Variants in EFCAB6 observed in about 807,000 individuals in gnomAD.
The protein encoded by EFCAB6 is EF-hand calcium-binding domain-containing protein 6.
In EFCAB6, 156 loss-of-function variants were observed where a neutral mutation model predicts 169.8. The observed-to-expected ratio is 0.92, with a 90% CI of 0.81 to 1.05. The LOEUF (loss-of-function observed/expected upper bound fraction) is 1.05. EFCAB6 is among the 50% of genes least tolerant of loss of function. The pLI is 0.00. For synonymous variants in EFCAB6, 698 were observed against 676.4 expected (o/e 1.03, Z -0.50); for missense variants, 1,800 against 1,829.1 (o/e 0.98, Z 0.29).
chr22:43,782,141 A>ATCT, intron 3 of EFCAB6, 39 bp downstream of exon 3: 1 of 1,586,722 alleles, frequency 6.3e-7, no homozygotes, highest in Middle Eastern at 1.7e-4. Flanking sequence ...TATAAGTGAT[A>ATCT]TCTACAGTTA....
At chr22:43,645,472 T>G (rs2056097460) in intron 17 of EFCAB6, among the ~76,000 whole-genome samples, 3 of 152,230 alleles carry the variant, frequency 2.0e-5, no homozygotes, top group African/African-American at 7.2e-5. Flanking sequence ...GTGTTGCTAA[T>G]CATTGACTGT....
intron 20 of EFCAB6, 63 bp from the exon 21 acceptor site, chr22:43,615,985 G>T: frequency 7.2e-7 from 1 of 1,392,762 alleles, no homozygotes; most frequent in South Asian, 1.3e-5. Context: ...AATCTCCCAA[G>T]GGGTTTCCCT....
chr22:43,537,313 T>C lies in EFCAB6; in HGVS notation c.4048+64A>G. The C allele has an allele frequency of 2.5e-6, 4 of 1,575,088 alleles. No individual in the cohort carries two copies. Among genetic ancestry groups the C allele is most frequent in the East Asian group, 4.5e-5 (2 of 44,410 alleles). On this transcript the variant is annotated intron_variant, in intron 29 of 31. Transcript: ENST00000262726. This position sits in a 1 kb window ranked among gnomAD's most constrained non-coding sequence, Gnocchi z 4.3. ...ACCCGGGGTGTGGCTTTGTACCCAG[T>C]GGGAACAGCCTCTTGCCACAGGGGC...
chr22:43,598,222 ACCTGAG>A (rs1430878156), intron 23 of EFCAB6, among the ~76,000 whole-genome samples: 1 of 143,376 alleles, frequency 7.0e-6, no homozygotes, highest in Admixed American at 7.3e-5. Context: ...TGGGAGGATC[ACCTGAG>A]CCTGGAAAGT....
chr22:43,654,686 T>G (rs1221601105), intron 17 of EFCAB6, among the ~76,000 whole-genome samples: 1 of 152,116 alleles, frequency 6.6e-6, no homozygotes, highest in Non-Finnish European at 1.5e-5. Flanking sequence ...TCAGGAGACA[T>G]GAAGACTCAA....
intron 17 of EFCAB6, among the ~76,000 whole-genome samples, chr22:43,649,322 G>A (rs1031252077): frequency 1.3e-5 from 2 of 152,110 alleles, no homozygotes; most frequent in Non-Finnish European, 2.9e-5. Context: ...GAAAATAAAT[G>A]CAAATTAAAG....
chr22:43,555,767 G>A lies in EFCAB6; in HGVS notation c.3421-671C>T, dbSNP rs117079328. On this transcript the variant is annotated intron_variant, in intron 26 of 31. Transcript: ENST00000262726. ...CTGGAAGTCAGGGGGTTGGAGTGTG[G>A]TTCAGGTCCTCATGACACTGTCCTT... Among the ~76,000 whole-genome samples the A allele has an allele frequency of 1.2e-3, 177 of 152,332 alleles. 4 individuals are homozygous for A. The East Asian group carries it at 0.021, about 18-fold the overall frequency.
In EFCAB6 at chr22:43,626,663, A is replaced by C; in HGVS notation, c.2249T>G (p.Phe750Cys). The C allele has an allele frequency of 6.2e-7, 1 of 1,614,176 alleles. No homozygotes were observed. The highest frequency in any genetic ancestry group is 1.1e-5 in the South Asian group (1 of 91,078). The change falls in exon 20 of 32, where the codon TTC (phenylalanine) becomes TGC (cysteine). Residue 750 changes from phenylalanine (F) to cysteine (C), a missense_variant. Phe to Cys is a radical substitution (Grantham distance 205, BLOSUM62 -2). Coordinates refer to ENST00000262726, the MANE Select transcript of EFCAB6 (RefSeq NM_022785.4). Reference sequence around the variant, plus strand: ...ATCCCTGTCAGCATCTGTTTTAAAGAAGGCAGAGTAGGGGTCCTAAAAACA... The same window carrying C: ...ATCCCTGTCAGCATCTGTTTTAAAGCAGGCAGAGTAGGGGTCCTAAAAACA... Reference protein sequence around the residue: ...KESFRDPYSAFFKTDADRDGI... With the variant: ...KESFRDPYSACFKTDADRDGI...
At chr22:43,531,094 C>G in intron 30 of EFCAB6, 130 bp from the exon 31 acceptor site, 1 of 1,250,462 alleles carries the variant, frequency 8.0e-7, no homozygotes, top group Non-Finnish European at 1.1e-6. Context: ...TCCGCTGGCT[C>G]TGAATCGAGG....
chr22:43,657,208 T>C (rs543213528), intron 17 of EFCAB6, among the ~76,000 whole-genome samples: 1 of 152,214 alleles, frequency 6.6e-6, no homozygotes, highest in African/African-American at 2.4e-5. Context: ...GGTGGGAGGA[T>C]TGCTTCAGCC....
chr22:43,612,728 C>T (rs1291173270), intron 21 of EFCAB6, among the ~76,000 whole-genome samples: 1 of 151,946 alleles, frequency 6.6e-6, no homozygotes, highest in Non-Finnish European at 1.5e-5. Flanking sequence ...CCTGTCTCTA[C>T]TAAAAATACA....
At chr22:43,730,440 G>C (rs1205568487) in intron 8 of EFCAB6, among the ~76,000 whole-genome samples, 1 of 151,010 alleles carries the variant, frequency 6.6e-6, no homozygotes, top group East Asian at 2.0e-4. Context: ...ATATTGAAGG[G>C]GGAGATGTGA....
In EFCAB6 at chr22:43,774,527, G is replaced by A. The variant is rs1029850348; in HGVS notation, c.140-1424C>T. Reference sequence around the variant, plus strand: ...CCCAGCGCACGCAGGGCCTGTGCCGGGGGCTGGGGATGACTCTCGCTCCTG... The same window carrying A: ...CCCAGCGCACGCAGGGCCTGTGCCGAGGGCTGGGGATGACTCTCGCTCCTG... On this transcript the variant is annotated intron_variant, in intron 3 of 31. Coordinates refer to ENST00000262726, the MANE Select transcript of EFCAB6 (RefSeq NM_022785.4). Among the ~76,000 whole-genome samples, 6 of 151,724 alleles carry A rather than the reference G, an allele frequency of 4.0e-5. 1 individual carries two copies. The highest frequency in any genetic ancestry group is 7.4e-5 in the Non-Finnish European group (5 of 67,956).
At chr22:43,679,035 G>C (rs1302172948) in intron 12 of EFCAB6, among the ~76,000 whole-genome samples, 1 of 152,126 alleles carries the variant, frequency 6.6e-6, no homozygotes, top group Non-Finnish European at 1.5e-5. Flanking sequence ...AGAAATCACT[G>C]ACAGCTAAAC....
chr22:43,538,171 T>C (rs944276940), intron 28 of EFCAB6, among the ~76,000 whole-genome samples: 4 of 152,138 alleles, frequency 2.6e-5, no homozygotes, highest in African/African-American at 9.7e-5. Context: ...AGTTGATAAT[T>C]AGGTCCTTCT....
At chr22:43,803,917 T>C (rs1334476388) in intron 2 of EFCAB6, among the ~76,000 whole-genome samples, 1 of 152,224 alleles carries the variant, frequency 6.6e-6, no homozygotes, top group Non-Finnish European at 1.5e-5. Context: ...CTTGCTGTAT[T>C]GCCCAGATTG....
chr22:43,755,823 C>T lies in EFCAB6; in HGVS notation c.450G>A (p.Gly150=), dbSNP rs2060939020. 6.2e-7 allele frequency: 1 copy of T among 1,601,366 alleles called. No homozygotes were observed. Among genetic ancestry groups the T allele is most frequent in the African/African-American group, 1.4e-5 (1 of 73,990 alleles). ...LYINGIKRGG[G]NEMNCCRTLR... ...ATGTGCGGCAGCAATTCATTTCATT[C>T]CCACCTCCCCTTAGAAATAAAAAAA... Residue 150 remains glycine (G), a synonymous_variant, in exon 6 of 32, where the codon GGG becomes GGA. Transcript: ENST00000262726.
chr22:43,700,577 G>A (rs2058732545), intron 10 of EFCAB6, among the ~76,000 whole-genome samples: 2 of 152,202 alleles, frequency 1.3e-5, no homozygotes, highest in South Asian at 4.1e-4. Context: ...ACACTCGGGA[G>A]ACAGAATGAC....
rs557339625 is a variant in EFCAB6, at chr22:43,562,399, C to T, written c.3421-7303G>A. ...GCTTCAAATGTATCCATGTATCTTGCTAGTAAAAAGCAAGTCACAGCTTCA... is the reference window on the plus strand; with the variant it reads ...GCTTCAAATGTATCCATGTATCTTGTTAGTAAAAAGCAAGTCACAGCTTCA... On this transcript the variant is annotated intron_variant, in intron 26 of 31. Coordinates refer to ENST00000262726, the MANE Select transcript of EFCAB6 (RefSeq NM_022785.4). Among the ~76,000 whole-genome samples, 8 of 152,296 alleles carry T rather than the reference C, an allele frequency of 5.3e-5. No homozygotes were observed. In the East Asian group the frequency reaches 7.7e-4, roughly 15 times the overall value.
Sources: gnomAD v4.1 joint callset for allele counts (sites outside exome capture counted in the v4.1 genomes callset) on GRCh38, gnomAD v4.1.1 for gene constraint, Gnocchi (gnomAD v3.1) non-coding constraint, MANE v1.5 for transcripts, NCBI Gene and HGNC (gene_info 2026-07-23, HGNC 2026-07-21) for gene names.